Variants in TAFA1 observed in about 807,000 individuals in gnomAD.
The protein encoded by TAFA1 is TAFA chemokine like family member 1, also known as chemokine-like protein TAFA-1.
A neutral mutation model predicts 18.5 loss-of-function variants in TAFA1; 4 were observed. That is an observed-to-expected ratio of 0.22 (90% CI 0.11 to 0.49). The LOEUF is 0.49. Ranked by LOEUF, TAFA1 falls within the 20% of genes least tolerant of loss-of-function variation. The probability of loss-of-function intolerance (pLI) is 0.98; values close to 1 mark genes in which losing one functional copy is unlikely to be tolerated. For missense variants in TAFA1, 147 were observed against 169.0 expected (o/e 0.87, Z 0.72); for synonymous variants, 56 against 55.2 (o/e 1.01, Z -0.06).
At chr3:68,327,438 G>A (rs2068795173) in intron 2 of TAFA1, among the ~76,000 whole-genome samples, 1 of 152,210 alleles carries the variant, frequency 6.6e-6, no homozygotes, top group African/African-American at 2.4e-5. Flanking sequence ...GTATAACTGA[G>A]GGGATACAAC....
chr3:68,495,233 C>T (rs2072524031), intron 3 of TAFA1, among the ~76,000 whole-genome samples: 2 of 152,126 alleles, frequency 1.3e-5, no homozygotes, highest in African/African-American at 4.8e-5. Context: ...CCATTTGTGC[C>T]TGTAGCACTT....
chr3:68,109,964 T>C (rs557958486), intron 2 of TAFA1, among the ~76,000 whole-genome samples: 1 of 152,156 alleles, frequency 6.6e-6, no homozygotes, highest in Non-Finnish European at 1.5e-5. Context: ...AGTTTTATTA[T>C]TTTTTCTTTT....
In TAFA1 at chr3:68,495,357, T is replaced by C. The variant is rs139760868; in HGVS notation, c.260-43399T>C. On this transcript the variant is annotated intron_variant, in intron 3 of 4. Transcript: ENST00000478136. The stretch of plus-strand genomic sequence containing the variant: ...TAAAAAGAGCAACTTCTTTTCTCTG[T>C]TTTGCAGGTTGGCAAAATCATTTAA... 6.2e-3 allele frequency among the ~76,000 whole-genome samples: 952 copies of C among 152,336 alleles called. 12 individuals are homozygous for C. The highest frequency in any genetic ancestry group is 0.021 in the African/African-American group (882 of 41,570).
At chr3:68,500,997 CA>C (rs1043827400) in intron 3 of TAFA1, among the ~76,000 whole-genome samples, 1 of 150,668 alleles carries the variant, frequency 6.6e-6, no homozygotes. Flanking sequence ...ACTAAAAATA[CA>C]AAAAAAATTA....
intron 2 of TAFA1, among the ~76,000 whole-genome samples, chr3:68,272,961 C>T (rs993026519): frequency 6.6e-6 from 1 of 152,052 alleles, no homozygotes; most frequent in African/African-American, 2.4e-5. Flanking sequence ...AGGGCCTGGC[C>T]TGGCCTGTTC....
intron 4 of TAFA1, among the ~76,000 whole-genome samples, chr3:68,542,740 G>T (rs1381467849): frequency 6.6e-6 from 1 of 152,088 alleles, no homozygotes; most frequent in Admixed American, 6.6e-5. Flanking sequence ...ATTTTTAAAG[G>T]TGTGGGTAGT....
At chr3:68,186,645 C>T (rs1490083264) in intron 2 of TAFA1, among the ~76,000 whole-genome samples, 1 of 152,054 alleles carries the variant, frequency 6.6e-6, no homozygotes, top group Non-Finnish European at 1.5e-5. Flanking sequence ...GTTGATTCTT[C>T]TGTAGGTATC....
chr3:68,450,056 A>G (rs2071544283), intron 3 of TAFA1, among the ~76,000 whole-genome samples: 1 of 151,952 alleles, frequency 6.6e-6, no homozygotes, highest in Non-Finnish European at 1.5e-5. Context: ...GAACAGTTAG[A>G]TGATTGCCAT....
At chr3:68,522,853 G>A (rs1307851710) in intron 3 of TAFA1, among the ~76,000 whole-genome samples, 2 of 145,278 alleles carry the variant, frequency 1.4e-5, no homozygotes, top group Non-Finnish European at 3.0e-5. Context: ...AGGTGGGCAG[G>A]TCACTTGAGG....
chr3:68,123,995 A>C (rs182348150), intron 2 of TAFA1, among the ~76,000 whole-genome samples: 2 of 148,338 alleles, frequency 1.3e-5, no homozygotes, highest in Admixed American at 1.3e-4. Context: ...AAGCTTCCTC[A>C]GGTCAGACCA....
intron 3 of TAFA1, among the ~76,000 whole-genome samples, chr3:68,496,836 C>G (rs1209703993): frequency 6.6e-6 from 1 of 152,194 alleles, no homozygotes; most frequent in East Asian, 1.9e-4. Flanking sequence ...ATGGGGTGGT[C>G]CTTAGGACAA....
At chr3:68,159,195 C>T (rs1052223750) in intron 2 of TAFA1, among the ~76,000 whole-genome samples, 2 of 152,156 alleles carry the variant, frequency 1.3e-5, no homozygotes, top group African/African-American at 4.8e-5. Flanking sequence ...AGCACACCAC[C>T]TGCAGGGGTG....
intron 2 of TAFA1, chr3:68,145,740 A>G (rs2065731531): frequency 1.6e-6 from 1 of 635,262 alleles, no homozygotes; most frequent in Admixed American, 2.5e-5. Context: ...GCACCTCAGC[A>G]TTCCTTACTA....
chr3:68,032,391 C>T (rs1040920507), intron 2 of TAFA1, among the ~76,000 whole-genome samples: 1 of 152,142 alleles, frequency 6.6e-6, no homozygotes, highest in Non-Finnish European at 1.5e-5. Context: ...CATATAAATT[C>T]TGGGCATCCA....
chr3:68,302,100 G>T (rs377124083), intron 2 of TAFA1, among the ~76,000 whole-genome samples: 1 of 152,180 alleles, frequency 6.6e-6, no homozygotes, highest in Non-Finnish European at 1.5e-5. Context: ...CACTACAGAA[G>T]ATCAGGTGTT....
chr3:68,385,354 A>C (rs964442619), intron 2 of TAFA1, among the ~76,000 whole-genome samples: 3 of 152,120 alleles, frequency 2.0e-5, no homozygotes, highest in African/African-American at 7.2e-5. Context: ...AGACTAAAGT[A>C]CTTGCTAAAC....
intron 2 of TAFA1, among the ~76,000 whole-genome samples, chr3:68,113,034 C>T (rs2065279311): frequency 6.6e-6 from 1 of 152,064 alleles, no homozygotes; most frequent in Non-Finnish European, 1.5e-5. Flanking sequence ...GTATCAGTAA[C>T]TTGGCAGGTA....
At chr3:68,274,223 T>A (rs1411216671) in intron 2 of TAFA1, among the ~76,000 whole-genome samples, 1 of 152,172 alleles carries the variant, frequency 6.6e-6, no homozygotes, top group Non-Finnish European at 1.5e-5. Flanking sequence ...AGATTCTGAA[T>A]GTTAAGTTTC....
intron 2 of TAFA1, among the ~76,000 whole-genome samples, chr3:68,359,016 T>A (rs1164561104): frequency 6.6e-6 from 1 of 152,028 alleles, no homozygotes; most frequent in African/African-American, 2.4e-5. Context: ...CTCACCACTA[T>A]AACAAAATGT....
Sources: gnomAD v4.1 joint callset for allele counts (sites outside exome capture counted in the v4.1 genomes callset) on GRCh38, gnomAD v4.1.1 for gene constraint, MANE v1.5 for transcripts, NCBI Gene and HGNC (gene_info 2026-07-23, HGNC 2026-07-21) for gene names.